Variants in SLC52A3 observed in about 807,000 individuals in gnomAD.
SLC52A3 encodes solute carrier family 52 member 3.
Under a neutral mutation model 29.5 loss-of-function variants are expected in SLC52A3, and 20 were observed. The ratio of observed to expected loss-of-function variants is 0.68; its 90% CI spans 0.48 to 0.99. The LOEUF is 0.99. Ranked by LOEUF, SLC52A3 falls within the 50% of genes least tolerant of loss-of-function variation. SLC52A3 has a pLI of 0.00. For missense variants in SLC52A3, 548 were observed against 612.9 expected (o/e 0.89, Z 1.12); for synonymous variants, 301 against 271.0 (o/e 1.11, Z -1.09).
rs146302587 is a variant in SLC52A3, at chr20:765,738, C to G, written c.37G>C (p.Gly13Arg). Residue 13 changes from glycine to arginine, a missense_variant, in exon 2 of 5, where the codon GGA becomes CGA. Coordinates refer to ENST00000645534, the MANE Select transcript of SLC52A3 (RefSeq NM_033409.4). The surrounding 1 kb of genome is among the most constrained non-coding windows in gnomAD (Gnocchi z 6.6). ...TTGATGGTCACCCAGGAGCCCATTC[C>G]GAAGACGCAGACCAGCAGGTGCATC... is the stretch of plus-strand genomic sequence containing the variant. ...FLMHLLVCVFGMGSWVTINGL... is the reference protein window; with the variant it reads ...FLMHLLVCVFRMGSWVTINGL... 3.1e-6 allele frequency: 5 copies of G among 1,612,404 alleles called. No homozygotes were observed. Among genetic ancestry groups the G allele is most frequent in the Non-Finnish European group, 8.5e-7 (1 of 1,179,624 alleles).
upstream of SLC52A3, among the ~76,000 whole-genome samples, chr20:769,712 C>T (rs946616288): frequency 6.6e-6 from 1 of 152,158 alleles, no homozygotes; most frequent in Non-Finnish European, 1.5e-5. Context: ...GCCTGGCCAA[C>T]ATGGCAAAAC....
chr20:764,116 TA>T, intron 2 of SLC52A3, 113 bp from the exon 3 acceptor site: 1 of 1,117,200 alleles, frequency 9.0e-7, no homozygotes, highest in Middle Eastern at 3.0e-4. Context: ...GGATAATGAA[TA>T]AATAAACATA....
At chr20:773,839 G>T (rs575925502) in intron 1 of SLC52A3, among the ~76,000 whole-genome samples, 11 of 152,212 alleles carry the variant, frequency 7.2e-5, no homozygotes, top group Non-Finnish European at 1.5e-4. Flanking sequence ...AATTGGGAGT[G>T]GGGTTCTGAC....
intron 3 of SLC52A3, among the ~76,000 whole-genome samples, chr20:763,282 C>T (rs1300002648): frequency 6.6e-6 from 1 of 152,240 alleles, no homozygotes; most frequent in Non-Finnish European, 1.5e-5. Context: ...GAATGTTACA[C>T]TCCCATTTTC....
intron 4 of SLC52A3, chr20:761,487 G>C: frequency 1.3e-6 from 1 of 748,768 alleles, no homozygotes; most frequent in Admixed American, 2.8e-5. Flanking sequence ...GAAGGCCCCT[G>C]CTGAGGTACA....
At chr20:764,034 G>A in intron 2 of SLC52A3, 31 bp from the exon 3 acceptor site, 1 of 1,104,018 alleles carries the variant, frequency 9.1e-7, no homozygotes, top group Non-Finnish European at 1.3e-6. Context: ...CCCTGGTCAG[G>A]GGAGGGGATC....
upstream of SLC52A3, among the ~76,000 whole-genome samples, chr20:771,351 C>A (rs573961702): frequency 6.6e-6 from 1 of 152,014 alleles, no homozygotes; most frequent in Non-Finnish European, 1.5e-5. Context: ...TGCTTGAACT[C>A]GGGATGTGGA....
At chr20:776,873 G>A (rs1599969503), upstream of SLC52A3, among the ~76,000 whole-genome samples, 1 of 151,818 alleles carries the variant, frequency 6.6e-6, no homozygotes, top group Non-Finnish European at 1.5e-5. Context: ...GGGGCCACAG[G>A]AGCAGGGTTG....
chr20:776,841 A>G, upstream of SLC52A3, among the ~76,000 whole-genome samples: 1 of 130,082 alleles, frequency 7.7e-6, no homozygotes. Flanking sequence ...GTGCTCCTAC[A>G]GGCTGAATCG....
intron 1 of SLC52A3, among the ~76,000 whole-genome samples, chr20:773,521 A>T (rs554553587): frequency 6.6e-6 from 1 of 152,286 alleles, no homozygotes; most frequent in East Asian, 1.9e-4. Flanking sequence ...CATGGGGGTC[A>T]AGCTGAGCAG....
At chr20:770,266 C>T (rs1232045130), upstream of SLC52A3, among the ~76,000 whole-genome samples, 3 of 151,658 alleles carry the variant, frequency 2.0e-5, no homozygotes, top group South Asian at 4.2e-4. The surrounding 1 kb of genome is among the most constrained non-coding windows in gnomAD (Gnocchi z 4.5). Context: ...AAGCAGTTCT[C>T]GTGCCTCAGT....
In SLC52A3 at chr20:765,282, T is replaced by C. The variant is rs1156256679; in HGVS notation, c.493A>G (p.Thr165Ala). 3 of 1,614,000 alleles carry C rather than the reference T, an allele frequency of 1.9e-6. No individual in the cohort carries two copies. The Admixed American group carries it at 5.0e-5, about 27-fold the overall frequency. The change falls in exon 2 of 5, where the codon ACC (threonine) becomes GCC (alanine). Residue 165 changes from threonine (T) to alanine (A), a missense_variant. By Grantham distance (58) the Thr-to-Ala change is moderately conservative. Transcript: ENST00000645534. This position sits in a 1 kb window ranked among gnomAD's most constrained non-coding sequence, Gnocchi z 6.6. ...GATATCTCAGTGACATTGACGCAGGTAGTGAGACCGGAGCCCTGGGCAAGA... is the reference window on the plus strand; with the variant it reads ...GATATCTCAGTGACATTGACGCAGGCAGTGAGACCGGAGCCCTGGGCAAGA... The part of the protein sequence containing the change: ...VALAQGSGLT[T>A]CVNVTEISDS...
In SLC52A3 at chr20:765,870, T is replaced by A; in HGVS notation, c.-51-45A>T. ...GGTGAGTAATTCCAGCTTCACCACC[T>A]AGCAAGATGCTGGGACCTGGGGCCC... On this transcript the variant is annotated intron_variant, in intron 1 of 4. Coordinates refer to ENST00000645534, the MANE Select transcript of SLC52A3 (RefSeq NM_033409.4). The surrounding 1 kb of genome is among the most constrained non-coding windows in gnomAD (Gnocchi z 6.6). 2 of 1,216,442 alleles carry A rather than the reference T, an allele frequency of 1.6e-6. No homozygotes were observed. Among genetic ancestry groups the A allele is most frequent in the Non-Finnish European group, 2.4e-6 (2 of 841,952 alleles). The allele number at this position is 1,216,442 out of a possible 1,614,324, so 75.4% of individuals were successfully genotyped here.
At chr20:775,315 C>G (rs549086870) in intron 1 of SLC52A3, among the ~76,000 whole-genome samples, 1 of 150,200 alleles carries the variant, frequency 6.7e-6, no homozygotes, top group South Asian at 2.1e-4. Flanking sequence ...CGCTCTGTCA[C>G]CCAGGCTGAA....
chr20:762,754 C>T (rs1986532804), intron 3 of SLC52A3, among the ~76,000 whole-genome samples: 1 of 152,188 alleles, frequency 6.6e-6, no homozygotes, highest in Non-Finnish European at 1.5e-5. Context: ...TTCTGTCAAG[C>T]TCTTCTGTCC....
chr20:771,511 T>C (rs557378595), upstream of SLC52A3, among the ~76,000 whole-genome samples: 458 of 152,254 alleles, frequency 3.0e-3, no homozygotes, highest in Non-Finnish European at 4.7e-3. Flanking sequence ...TATTGAAAGA[T>C]TATAGTAACC....
intron 1 of SLC52A3, among the ~76,000 whole-genome samples, chr20:767,069 C>T (rs547906512): frequency 3.9e-5 from 6 of 152,196 alleles, no homozygotes; most frequent in African/African-American, 1.4e-4. Flanking sequence ...TCCTGGGTGG[C>T]TACCAACAGA....
intron 2 of SLC52A3, among the ~76,000 whole-genome samples, chr20:764,430 C>T (rs145473559): frequency 3.9e-4 from 59 of 152,350 alleles, no homozygotes; most frequent in African/African-American, 1.2e-3. Flanking sequence ...GCAGTGGAGC[C>T]GCCCACCTAA....
At chr20:771,669 G>GGA (rs1986843927), upstream of SLC52A3, among the ~76,000 whole-genome samples, 1 of 128,626 alleles carries the variant, frequency 7.8e-6, no homozygotes, top group Admixed American at 8.0e-5. Flanking sequence ...GCAGAGATAT[G>GGA]AAAAAAAAAA....
Sources: gnomAD v4.1 joint callset for allele counts (sites outside exome capture counted in the v4.1 genomes callset) on GRCh38, gnomAD v4.1.1 for gene constraint, Gnocchi (gnomAD v3.1) non-coding constraint, MANE v1.5 for transcripts, NCBI Gene and HGNC (gene_info 2026-07-23, HGNC 2026-07-21) for gene names.